LRRIQ1: variants seen among roughly 807,000 people sequenced by gnomAD.
LRRIQ1 encodes the protein leucine rich repeats and IQ motif containing 1.
LRRIQ1 carries 210 observed loss-of-function variants against 211.9 expected under a neutral mutation model. The ratio of observed to expected loss-of-function variants is 0.99; its 90% confidence interval spans 0.89 to 1.11. LRRIQ1 has a LOEUF of 1.11. Among genes scored for constraint, LRRIQ1 ranks in the 50% most tolerant of loss-of-function variants. The pLI, the probability that LRRIQ1 is intolerant of heterozygous loss-of-function variation, is 0.00. For missense variants in LRRIQ1, 2,136 were observed against 1,939.5 expected (o/e 1.10, Z -1.90); for synonymous variants, 699 against 650.1 (o/e 1.08, Z -1.14).
chr12:85,197,920 A>G (rs1209968474), intron 24 of LRRIQ1, among the ~76,000 whole-genome samples: 1 of 119,462 alleles, frequency 8.4e-6, no homozygotes, highest in Non-Finnish European at 1.6e-5. Context: ...TAATAAAAAT[A>G]TATATAATAT....
Position 85,040,486 on chromosome 12 carries a change from T to A in LRRIQ1, c.133-4T>A, listed in dbSNP as rs758749757. On this transcript the variant is annotated splice_polypyrimidine_tract_variant and splice_region_variant and intron_variant, in intron 2 of 26. Coordinates refer to ENST00000393217, the MANE Select transcript of LRRIQ1 (RefSeq NM_001079910.2). Reference sequence around the variant, plus strand: ...ACAGTTTCTTGTATTATTCAAATTTTTAGGATTCAGTTGAATTACCAGAAT... The same window carrying A: ...ACAGTTTCTTGTATTATTCAAATTTATAGGATTCAGTTGAATTACCAGAAT... The A allele has an allele frequency of 5.9e-6, 9 of 1,516,524 alleles. No homozygotes were observed. The African/African-American group carries it at 1.1e-4, about 19-fold the overall frequency. The allele number at this position is 1,516,524 out of a possible 1,614,324, so 93.9% of individuals were successfully genotyped here. A position where few individuals can be genotyped will look rare whatever the true frequency, so the allele number is the denominator to read the frequency against.
At chr12:85,081,924 T>C (rs1477067958) in intron 11 of LRRIQ1, among the ~76,000 whole-genome samples, 3 of 151,974 alleles carry the variant, frequency 2.0e-5, no homozygotes, top group African/African-American at 4.8e-5. Context: ...GGTTTCACCA[T>C]GTTGGCCAGG....
At chr12:85,267,536 G>A (rs56920916), downstream of LRRIQ1, among the ~76,000 whole-genome samples, 2,083 of 152,124 alleles carry the variant, frequency 0.014, 47 homozygotes, top group African/African-American at 0.047. Context: ...ATATGGATGT[G>A]AGGTTTTCTC....
intron 18 of LRRIQ1, among the ~76,000 whole-genome samples, chr12:85,135,583 A>T (rs1052864915): frequency 6.6e-6 from 1 of 151,968 alleles, no homozygotes; most frequent in Non-Finnish European, 1.5e-5. Flanking sequence ...TAAATGCTTG[A>T]TATTAATAAT....
At chr12:85,101,226 C>CT (rs145844987) in intron 13 of LRRIQ1, among the ~76,000 whole-genome samples, 5 of 151,650 alleles carry the variant, frequency 3.3e-5, no homozygotes, top group African/African-American at 1.2e-4. Context: ...TGTCCATATG[C>CT]TTTTTTTCCC....
At chr12:85,086,665 A>G (rs900536677) in intron 11 of LRRIQ1, among the ~76,000 whole-genome samples, 3 of 150,836 alleles carry the variant, frequency 2.0e-5, no homozygotes, top group African/African-American at 7.3e-5. Context: ...GGTTGTGATT[A>G]TAAATAACAA....
At chr12:85,245,953 G>T (rs1340981806), downstream of LRRIQ1, among the ~76,000 whole-genome samples, 1 of 151,006 alleles carries the variant, frequency 6.6e-6, no homozygotes, top group Non-Finnish European at 1.5e-5. Context: ...GAAAAATTCA[G>T]TGATCCAGAT....
At chr12:85,204,340 G>A (rs2708503) in intron 24 of LRRIQ1, among the ~76,000 whole-genome samples, 2,552 of 152,270 alleles carry the variant, frequency 0.017, 65 homozygotes, top group African/African-American at 0.059. Context: ...GAAATGTGAG[G>A]TCAGAGTCCC....
At chr12:85,180,587 C>A (rs1463553259) in intron 24 of LRRIQ1, among the ~76,000 whole-genome samples, 1 of 151,898 alleles carries the variant, frequency 6.6e-6, no homozygotes, top group Non-Finnish European at 1.5e-5. Context: ...TTTTAATTAA[C>A]CCCATACATT....
At chr12:85,133,388 A>C (rs1888907418) in intron 18 of LRRIQ1, among the ~76,000 whole-genome samples, 1 of 152,164 alleles carries the variant, frequency 6.6e-6, no homozygotes, top group Non-Finnish European at 1.5e-5. Context: ...AAACCTACGC[A>C]CACTTTCCTG....
At chr12:85,247,966 T>C (rs959010296), downstream of LRRIQ1, among the ~76,000 whole-genome samples, 2 of 151,652 alleles carry the variant, frequency 1.3e-5, no homozygotes, top group African/African-American at 4.8e-5. Context: ...TTTCTTATGG[T>C]TTACAAAGTT....
intron 8 of LRRIQ1, 45 bp downstream of exon 8, chr12:85,057,229 G>T: frequency 1.6e-6 from 2 of 1,226,462 alleles, no homozygotes; most frequent in Non-Finnish European, 1.1e-6. Context: ...ATTACAATTA[G>T]CTCTTTAAAG....
At position 85,160,734 on chromosome 12, in the gene LRRIQ1, A is replaced by T. The variant is rs1260411472; in HGVS notation, c.4822+20A>T. 2 of 1,313,516 alleles carry T rather than the reference A, an allele frequency of 1.5e-6. No individual in the cohort carries two copies. Among genetic ancestry groups the T allele is most frequent in the African/African-American group, 2.9e-5 (2 of 68,378 alleles). The allele number at this position is 1,313,516 out of a possible 1,614,324, so 81.4% of individuals were successfully genotyped here. A position where few individuals can be genotyped will look rare whatever the true frequency, so the allele number is the denominator to read the frequency against. Reference sequence around the variant, plus strand: ...TTGAAGGTATGGCTTAATAACAGATACATAGAGAGGTAAAAAGATAAAGAA... The same window carrying T: ...TTGAAGGTATGGCTTAATAACAGATTCATAGAGAGGTAAAAAGATAAAGAA... On this transcript the variant is annotated intron_variant, in intron 24 of 26. Transcript: ENST00000393217.
intron 24 of LRRIQ1, among the ~76,000 whole-genome samples, chr12:85,221,591 G>A (rs1018775497): frequency 2.0e-5 from 3 of 152,124 alleles, no homozygotes; most frequent in Non-Finnish European, 4.4e-5. Flanking sequence ...CCAAAGAATG[G>A]AAGTTCTAAA....
chr12:85,097,975 C>G (rs1592790710), intron 11 of LRRIQ1, among the ~76,000 whole-genome samples: 1 of 152,204 alleles, frequency 6.6e-6, no homozygotes, highest in African/African-American at 2.4e-5. Context: ...TACATGCAAC[C>G]TGAAGCAAGG....
At chr12:85,112,317 A>T (rs1887235772) in intron 15 of LRRIQ1, among the ~76,000 whole-genome samples, 1 of 151,604 alleles carries the variant, frequency 6.6e-6, no homozygotes, top group Non-Finnish European at 1.5e-5. Context: ...TTTTATTTAC[A>T]CATAGTTTTT....
rs144946995 is a variant in LRRIQ1 at position 85,234,404 on chromosome 12, C to T, written c.5016+1648C>T. ...ATATACAAATAAATAATATACATTA[C>T]AATGATACATTTTGTTTTCACATTG... On this transcript the variant is annotated intron_variant, in intron 26 of 26. Transcript: ENST00000393217. 8.3e-3 allele frequency among the ~76,000 whole-genome samples: 1,259 copies of T among 152,188 alleles called. 18 individuals carry two copies. The highest frequency in any genetic ancestry group is 0.029 in the African/African-American group (1,202 of 41,494).
intron 24 of LRRIQ1, among the ~76,000 whole-genome samples, chr12:85,165,255 A>G (rs1171563563): frequency 6.6e-6 from 1 of 152,054 alleles, no homozygotes; most frequent in East Asian, 1.9e-4. Context: ...GAGCATAGTA[A>G]CAAACAGGTA....
intron 24 of LRRIQ1, among the ~76,000 whole-genome samples, chr12:85,225,273 T>C (rs1011159738): frequency 6.6e-6 from 1 of 152,184 alleles, no homozygotes; most frequent in African/African-American, 2.4e-5. Flanking sequence ...TATCAGGGAC[T>C]TGAGCATCCA....
Sources: gnomAD v4.1 joint callset for allele counts (sites outside exome capture counted in the v4.1 genomes callset) on GRCh38, gnomAD v4.1.1 for gene constraint, MANE v1.5 for transcripts, NCBI Gene and HGNC (gene_info 2026-07-23, HGNC 2026-07-21) for gene names.